The following ANXA4 variants were observed in gnomAD, a reference collection of about 807,000 sequenced individuals.
ANXA4 encodes 35-beta calcimedin.
ANXA4 carries 39 observed loss-of-function variants against 49.8 expected under a neutral mutation model. The ratio of observed to expected loss-of-function variants is 0.78; its 90% CI spans 0.61 to 1.02. ANXA4 has a LOEUF of 1.02. ANXA4 is among the 50% of genes least tolerant of loss of function. The pLI is 0.00. For missense variants in ANXA4, 360 were observed against 410.1 expected, an observed-to-expected ratio of 0.88 and a Z score of 1.05; for synonymous variants, 134 against 152.5, an observed-to-expected ratio of 0.88 and a Z score of 0.89.
chr2:69,731,860 A>C (rs1338142374), intron 3 of ANXA4, among the ~76,000 whole-genome samples: 5 of 152,140 alleles, frequency 3.3e-5, no homozygotes, highest in Non-Finnish European at 7.4e-5. Flanking sequence ...GAGCTGCAGC[A>C]GTTCATGGCA....
chr2:69,823,134 A>G (rs1227367163), intron 12 of ANXA4, among the ~76,000 whole-genome samples: 1 of 150,494 alleles, frequency 6.6e-6, no homozygotes, highest in African/African-American at 2.4e-5. Flanking sequence ...AAATTATGGA[A>G]AATCCATACA....
In ANXA4 at chr2:69,701,144, G is replaced by T. The variant is rs189624890; in HGVS notation, n.767-19630G>T. Among the ~76,000 whole-genome samples the T allele has an allele frequency of 1.0e-3, 152 of 152,088 alleles. 1 individual carries two copies. Among genetic ancestry groups the T allele is most frequent in the African/African-American group, 3.3e-3 (137 of 41,500 alleles). On this transcript the variant is annotated intron_variant and non_coding_transcript_variant, in intron 2 of 3. Transcript: ENST00000418066. ...CCCAACTCAGCCTCCCAAATTGTGG[G>T]GATTACAGGAGTGAGCCACTGTGCC...
chr2:69,777,166 C>T (rs1473995640), intron 1 of ANXA4, among the ~76,000 whole-genome samples: 1 of 152,210 alleles, frequency 6.6e-6, no homozygotes, highest in Non-Finnish European at 1.5e-5. Flanking sequence ...CCAGCACCTC[C>T]ATATGTTCAC....
chr2:69,807,355 G>A (rs924662002), intron 5 of ANXA4, among the ~76,000 whole-genome samples: 2 of 152,106 alleles, frequency 1.3e-5, no homozygotes, highest in African/African-American at 4.8e-5. Context: ...CCTAGATGAC[G>A]TACCCACTGT....
intron 3 of ANXA4, among the ~76,000 whole-genome samples, chr2:69,798,342 A>T (rs1470083081): frequency 6.6e-6 from 1 of 152,218 alleles, no homozygotes; most frequent in African/African-American, 2.4e-5. Context: ...TTCCTGCAGC[A>T]TTGCATACAG....
intron 1 of ANXA4, among the ~76,000 whole-genome samples, chr2:69,650,734 A>T (rs1416780885): frequency 6.6e-6 from 1 of 152,206 alleles, no homozygotes; most frequent in Admixed American, 6.5e-5. Context: ...GATTACAGGC[A>T]TAGCCACTGT....
chr2:69,770,585 T>C (rs992359139), intron 1 of ANXA4, among the ~76,000 whole-genome samples: 11 of 152,118 alleles, frequency 7.2e-5, no homozygotes, highest in African/African-American at 2.7e-4. Flanking sequence ...CGCCAAGTTG[T>C]GGTGGGGTCT....
At chr2:69,702,977 T>C (rs1255038904) in intron 2 of ANXA4, among the ~76,000 whole-genome samples, 1 of 152,200 alleles carries the variant, frequency 6.6e-6, no homozygotes, top group Non-Finnish European at 1.5e-5. Flanking sequence ...CTAGCATTTA[T>C]TTTACTCAAA....
intron 3 of ANXA4, among the ~76,000 whole-genome samples, chr2:69,791,252 T>C (rs1446927097): frequency 6.6e-6 from 1 of 152,192 alleles, no homozygotes; most frequent in Non-Finnish European, 1.5e-5. Flanking sequence ...TGTAGACAGA[T>C]ATGAGGCCAG....
intron 1 of ANXA4, among the ~76,000 whole-genome samples, chr2:69,777,830 G>C (rs1011808794): frequency 7.9e-5 from 12 of 152,186 alleles, no homozygotes; most frequent in Non-Finnish European, 1.6e-4. Flanking sequence ...GCCCAGGCCA[G>C]CTTCTTCCTG....
intron 2 of ANXA4, among the ~76,000 whole-genome samples, chr2:69,657,471 A>G (rs1676548639): frequency 6.6e-6 from 1 of 150,576 alleles, no homozygotes; most frequent in Admixed American, 6.6e-5. Flanking sequence ...ACTAAATACC[A>G]CATATTCGAT....
At chr2:69,785,242 C>T (rs1036522725) in intron 2 of ANXA4, among the ~76,000 whole-genome samples, 2 of 152,284 alleles carry the variant, frequency 1.3e-5, no homozygotes, top group Non-Finnish European at 2.9e-5. Flanking sequence ...ATGTGGGCCA[C>T]TATGGGCCTG....
intron 3 of ANXA4, among the ~76,000 whole-genome samples, chr2:69,790,521 G>A (rs1035944989): frequency 1.4e-4 from 22 of 152,128 alleles, no homozygotes; most frequent in African/African-American, 5.3e-4. Context: ...ATTAATGGGG[G>A]CACTATAGGC....
chr2:69,681,134 G>T (rs1237683679), intron 2 of ANXA4, among the ~76,000 whole-genome samples: 3 of 152,058 alleles, frequency 2.0e-5, no homozygotes, highest in Non-Finnish European at 4.4e-5. Context: ...TCTGGTCCTG[G>T]ACTTTTCTTT....
chr2:69,813,195 C>T lies in ANXA4; in HGVS notation c.534+486C>T, dbSNP rs1047227555. On this transcript the variant is annotated intron_variant, in intron 8 of 12. Transcript: ENST00000394295. ...ATCAGCTGTGGCCAGATAACACTAA[C>T]GATAATAGCTAATAAAAAGTGGGTC... Among the ~76,000 whole-genome samples the T allele has an allele frequency of 3.9e-5, 6 of 152,034 alleles. No individual in the cohort carries two copies. The East Asian group carries it at 5.8e-4, about 15-fold the overall frequency.
intron 2 of ANXA4, among the ~76,000 whole-genome samples, chr2:69,666,207 G>T (rs893739625): frequency 6.6e-6 from 1 of 152,142 alleles, no homozygotes; most frequent in Non-Finnish European, 1.5e-5. Context: ...TGCAAAGAAG[G>T]TACACACATG....
chr2:69,690,488 C>T (rs561587620), intron 2 of ANXA4, among the ~76,000 whole-genome samples: 5 of 152,340 alleles, frequency 3.3e-5, no homozygotes, highest in African/African-American at 1.2e-4. Flanking sequence ...ATCCACCCAC[C>T]TCAGCCTCCC....
intron 2 of ANXA4, among the ~76,000 whole-genome samples, chr2:69,685,972 A>T (rs959383830): frequency 1.3e-5 from 2 of 152,204 alleles, no homozygotes; most frequent in Admixed American, 6.5e-5. Context: ...GTGTGATAGC[A>T]TGCCATTATG....
rs1297670133 is a variant in ANXA4, at chr2:69,826,893, A to G, written c.*1378A>G. ...CCCTGAAAGGAGCTATTTTTGAAGG[A>G]CTTGTGTTACTCAGTTTCTACAGGA... On this transcript the variant is annotated 3_prime_UTR_variant, in exon 13 of 13. Coordinates refer to ENST00000394295, the MANE Select transcript of ANXA4 (RefSeq NM_001153.5). 4 of 151,990 alleles carry G rather than the reference A, an allele frequency of 2.6e-5. No individual in the cohort carries two copies. Among genetic ancestry groups the G allele is most frequent in the African/African-American group, 9.7e-5 (4 of 41,334 alleles). 9.4% of individuals were successfully genotyped at this position (151,990 alleles called of 1,614,324 possible). A position where few individuals can be genotyped will look rare whatever the true frequency, so the allele number is the denominator to read the frequency against.
Sources: gnomAD v4.1 joint callset for allele counts (sites outside exome capture counted in the v4.1 genomes callset) on GRCh38, gnomAD v4.1.1 for gene constraint, MANE v1.5 for transcripts, NCBI Gene and HGNC (gene_info 2026-07-23, HGNC 2026-07-21) for gene names.